The following MEIKIN variants were observed in gnomAD, a reference collection of about 807,000 sequenced individuals.
The protein encoded by MEIKIN is meiosis-specific kinetochore protein.
intron 5 of MEIKIN, among the ~76,000 whole-genome samples, chr5:131,924,036 G>A (rs2149648777): frequency 6.6e-6 from 1 of 152,044 alleles, no homozygotes; most frequent in South Asian, 2.1e-4. Flanking sequence ...CTGCTTCTAT[G>A]AGTTTGGCTC....
At chr5:131,928,143 CA>C (rs60395354) in intron 5 of MEIKIN, among the ~76,000 whole-genome samples, 12,539 of 88,686 alleles carry the variant, frequency 0.14, 1,100 homozygotes, top group African/African-American at 0.34. Context: ...AACTCCGTCT[CA>C]AAAAAAAAAA....
intron 5 of MEIKIN, among the ~76,000 whole-genome samples, chr5:131,925,788 C>A (rs1751578371): frequency 6.6e-6 from 1 of 152,084 alleles, no homozygotes; most frequent in South Asian, 2.1e-4. Flanking sequence ...CCTGCCTCAG[C>A]CTCCTGAGTA....
At chr5:131,823,358 T>C (rs867956643) in intron 11 of MEIKIN, among the ~76,000 whole-genome samples, 4 of 152,110 alleles carry the variant, frequency 2.6e-5, no homozygotes, top group Admixed American at 6.5e-5. Context: ...CTAGATTTCA[T>C]AGGTGTGCTT....
intron 12 of MEIKIN, among the ~76,000 whole-genome samples, chr5:131,807,848 T>C (rs1480698700): frequency 6.6e-6 from 1 of 152,218 alleles, no homozygotes; most frequent in African/African-American, 2.4e-5. Context: ...CCGATATCAA[T>C]GGCTCTGAAA....
At chr5:131,910,534 C>T (rs977548827) in intron 8 of MEIKIN, among the ~76,000 whole-genome samples, 2 of 151,790 alleles carry the variant, frequency 1.3e-5, no homozygotes, top group Admixed American at 6.6e-5. Flanking sequence ...AACAGCATGA[C>T]TGTAGTAAAA....
At chr5:131,837,292 G>A (rs1749825702) in intron 11 of MEIKIN, among the ~76,000 whole-genome samples, 1 of 152,168 alleles carries the variant, frequency 6.6e-6, no homozygotes, top group African/African-American at 2.4e-5. Context: ...GTAAGGTAGT[G>A]TGATACTTCC....
chr5:131,890,755 C>G (rs950654118), intron 8 of MEIKIN, among the ~76,000 whole-genome samples: 1 of 152,150 alleles, frequency 6.6e-6, no homozygotes, highest in East Asian at 1.9e-4. Context: ...TTGCCTTCTT[C>G]TAGCTTTTGA....
intron 8 of MEIKIN, among the ~76,000 whole-genome samples, chr5:131,893,097 C>T (rs535772419): frequency 2.0e-5 from 3 of 152,090 alleles, no homozygotes; most frequent in East Asian, 1.9e-4. Context: ...GAGGAGTATG[C>T]GGCCATGTGA....
chr5:131,871,333 C>T (rs969332507), intron 9 of MEIKIN, among the ~76,000 whole-genome samples: 22 of 152,328 alleles, frequency 1.4e-4, no homozygotes, highest in East Asian at 9.7e-4. Flanking sequence ...GCTTAAAAAA[C>T]GGCACACCAG....
At chr5:131,912,023 T>C (rs554852386) in intron 7 of MEIKIN, 144 bp from the exon 8 acceptor site, 2 of 382,308 alleles carry the variant, frequency 5.2e-6, no homozygotes, top group Non-Finnish European at 9.3e-6. Flanking sequence ...AAAAATGTTA[T>C]GGTATTTATA....
Position 131,919,637 on chromosome 5 carries a change from A to C in MEIKIN, c.598+2185T>G, listed in dbSNP as rs114878492. On this transcript the variant is annotated intron_variant, in intron 6 of 12. Transcript: ENST00000442687. Reference sequence around the variant, plus strand: ...GGAAAAATCAAAGTGAAAAAAGAGTAGCTATATAGCACGGTACCCTTCATG... The same window carrying C: ...GGAAAAATCAAAGTGAAAAAAGAGTCGCTATATAGCACGGTACCCTTCATG... Among the ~76,000 whole-genome samples, 788 of 152,308 alleles carry C rather than the reference A, an allele frequency of 5.2e-3. 4 individuals carry two copies. Among genetic ancestry groups the C allele is most frequent in the African/African-American group, 0.017 (723 of 41,578 alleles).
intron 8 of MEIKIN, among the ~76,000 whole-genome samples, chr5:131,882,871 G>GC (rs1262790894): frequency 6.6e-6 from 1 of 151,994 alleles, no homozygotes; most frequent in African/African-American, 2.4e-5. Context: ...GGCATGCTCT[G>GC]CCCCCCAGGT....
chr5:131,876,913 G>A (rs1357621128), intron 9 of MEIKIN, among the ~76,000 whole-genome samples: 3 of 149,940 alleles, frequency 2.0e-5, no homozygotes, highest in South Asian at 2.1e-4. Context: ...ACCAAACACC[G>A]CATGTTCTCA....
chr5:131,925,444 A>G (rs1751571900), intron 5 of MEIKIN, among the ~76,000 whole-genome samples: 1 of 152,158 alleles, frequency 6.6e-6, no homozygotes, highest in East Asian at 1.9e-4. Flanking sequence ...GCATCTTTTT[A>G]AATTTTATTC....
At chr5:131,899,057 G>C (rs1751105683) in intron 8 of MEIKIN, among the ~76,000 whole-genome samples, 1 of 152,132 alleles carries the variant, frequency 6.6e-6, no homozygotes, top group African/African-American at 2.4e-5. Context: ...CAGCCATCTT[G>C]GAACTGACCT....
chr5:131,829,256 T>C (rs1333702651), intron 11 of MEIKIN, among the ~76,000 whole-genome samples: 1 of 152,128 alleles, frequency 6.6e-6, no homozygotes, highest in African/African-American at 2.4e-5. Context: ...CAATCAAATA[T>C]GAAGATGAAA....
intron 9 of MEIKIN, among the ~76,000 whole-genome samples, chr5:131,867,623 C>T (rs1354732008): frequency 1.3e-5 from 2 of 152,186 alleles, no homozygotes; most frequent in African/African-American, 4.8e-5. Flanking sequence ...TGGAATCACA[C>T]AGTATGTAGC....
At chr5:131,885,341 AAGAGAGAGAGAGAG>A (rs57363906) in intron 8 of MEIKIN, among the ~76,000 whole-genome samples, 10 of 61,968 alleles carry the variant, frequency 1.6e-4, no homozygotes, top group East Asian at 6.8e-4. Context: ...TCAGAACTGA[AAGAGAGAGAGAGAG>A]AGAGAGAGAG....
intron 9 of MEIKIN, 40 bp downstream of exon 9, chr5:131,878,938 T>C (rs1175585241): frequency 7.5e-6 from 3 of 397,966 alleles, no homozygotes; most frequent in East Asian, 7.2e-5. Flanking sequence ...ATTAATGAAA[T>C]GTATTATGAT....
Sources: gnomAD v4.1 joint callset for allele counts (sites outside exome capture counted in the v4.1 genomes callset) on GRCh38, gnomAD v4.1.1 for gene constraint, MANE v1.5 for transcripts, NCBI Gene and HGNC (gene_info 2026-07-23, HGNC 2026-07-21) for gene names.